Variants in STK39 observed in about 807,000 individuals in gnomAD.
The protein encoded by STK39 is STE20/SPS1-related proline-alanine-rich protein kinase.
Under a neutral mutation model 77.8 loss-of-function variants are expected in STK39, and 20 were observed. That is an observed-to-expected ratio of 0.26 (90% CI 0.18 to 0.37). STK39 has a LOEUF of 0.37. Ranked by LOEUF, STK39 falls within the 10% of genes least tolerant of loss-of-function variation. STK39 has a pLI of 1.00. For missense variants in STK39, 479 were observed against 656.5 expected (o/e 0.73, Z 2.95); for synonymous variants, 246 against 234.1 (o/e 1.05, Z -0.47).
At chr2:168,237,348 A>G (rs1457571960) in intron 1 of STK39, among the ~76,000 whole-genome samples, 1 of 152,186 alleles carries the variant, frequency 6.6e-6, no homozygotes, top group Non-Finnish European at 1.5e-5. Flanking sequence ...TTTTGGGCTG[A>G]GACAATGGGG....
At chr2:168,228,025 G>C (rs1690352708) in intron 1 of STK39, among the ~76,000 whole-genome samples, 1 of 152,114 alleles carries the variant, frequency 6.6e-6, no homozygotes, top group Admixed American at 6.6e-5. Flanking sequence ...GTATCTAGAA[G>C]ACAAAAGGCA....
chr2:168,176,358 C>T (rs1194568778), intron 2 of STK39, among the ~76,000 whole-genome samples: 2 of 152,070 alleles, frequency 1.3e-5, no homozygotes, highest in Non-Finnish European at 2.9e-5. Context: ...GGAGGAACTG[C>T]TCAGAGGTCA....
chr2:167,985,565 T>C (rs1169533566), intron 16 of STK39, among the ~76,000 whole-genome samples: 1 of 152,162 alleles, frequency 6.6e-6, no homozygotes, highest in East Asian at 1.9e-4. Flanking sequence ...TCATTACCTA[T>C]TTCCACAGTA....
intron 1 of STK39, among the ~76,000 whole-genome samples, chr2:168,195,015 C>G (rs576706102): frequency 9.8e-5 from 15 of 152,286 alleles, no homozygotes; most frequent in Admixed American, 4.6e-4. Context: ...CACACATTTA[C>G]ATTTTTTTTA....
At chr2:168,184,101 G>C (rs949666289) in intron 1 of STK39, among the ~76,000 whole-genome samples, 4 of 152,088 alleles carry the variant, frequency 2.6e-5, no homozygotes, top group Non-Finnish European at 5.9e-5. Flanking sequence ...AAATCAAGGA[G>C]TTTCAAAAAC....
chr2:168,217,747 A>G (rs1690061884), intron 1 of STK39, among the ~76,000 whole-genome samples: 1 of 152,234 alleles, frequency 6.6e-6, no homozygotes, highest in Non-Finnish European at 1.5e-5. Context: ...GGCAAGAAAA[A>G]AAGTCTGTAC....
At chr2:168,139,126 A>G (rs3754786) in intron 7 of STK39, among the ~76,000 whole-genome samples, 5,325 of 152,258 alleles carry the variant, frequency 0.035, 275 homozygotes, top group East Asian at 0.23. Context: ...AGAAAGCGGG[A>G]GACTGGGAAC....
chr2:168,235,949 T>C (rs1481315936), intron 1 of STK39, among the ~76,000 whole-genome samples: 1 of 152,122 alleles, frequency 6.6e-6, no homozygotes, highest in African/African-American at 2.4e-5. Flanking sequence ...GAATGATTTA[T>C]AATCCTTTGG....
chr2:168,118,268 A>G (rs190745682), intron 10 of STK39, among the ~76,000 whole-genome samples: 56 of 152,320 alleles, frequency 3.7e-4, no homozygotes, highest in African/African-American at 1.3e-3. Flanking sequence ...TCCCAAAGGC[A>G]AAAAGGAAGC....
intron 13 of STK39, among the ~76,000 whole-genome samples, chr2:168,064,373 G>T (rs1323272990): frequency 6.6e-6 from 1 of 151,954 alleles, no homozygotes; most frequent in Non-Finnish European, 1.5e-5. Context: ...TTATCTCAAG[G>T]TCTCTTACTG....
chr2:168,118,164 G>A lies in STK39; in HGVS notation c.1089+11377C>T, dbSNP rs185885667. 2.3e-3 allele frequency among the ~76,000 whole-genome samples: 354 copies of A among 152,088 alleles called. 2 individuals carry two copies. The Middle Eastern group carries it at 0.024, about 10-fold the overall frequency. ...ATGGACAGATGGAGGAGGAGGAGGA[G>A]GCAGTCGGGAGCTTCTCTCAGCAAG... is the stretch of plus-strand genomic sequence containing the variant. On this transcript the variant is annotated intron_variant, in intron 10 of 17. Coordinates refer to ENST00000355999, the MANE Select transcript of STK39 (RefSeq NM_013233.3).
At chr2:168,234,179 G>GT (rs1363600048) in intron 1 of STK39, among the ~76,000 whole-genome samples, 1 of 152,184 alleles carries the variant, frequency 6.6e-6, no homozygotes, top group African/African-American at 2.4e-5. Context: ...CATCATAACA[G>GT]TATTTAGCCA....
chr2:168,134,089 T>C (rs1277255220), intron 8 of STK39, among the ~76,000 whole-genome samples: 5 of 152,224 alleles, frequency 3.3e-5, no homozygotes, highest in Non-Finnish European at 5.9e-5. Context: ...ACGTCTTACA[T>C]GGCCACTAGC....
chr2:168,076,314 A>G (rs570292045), intron 10 of STK39, among the ~76,000 whole-genome samples: 2 of 152,318 alleles, frequency 1.3e-5, no homozygotes, highest in South Asian at 4.1e-4. Flanking sequence ...GACTCTCCTT[A>G]TGCCACTGAA....
intron 1 of STK39, among the ~76,000 whole-genome samples, chr2:168,233,046 C>T (rs1043309189): frequency 6.6e-6 from 1 of 152,130 alleles, no homozygotes; most frequent in Non-Finnish European, 1.5e-5. Flanking sequence ...GAGATCGTCA[C>T]TTTTTAAACA....
At chr2:168,075,321 C>T in intron 10 of STK39, 90 bp from the exon 11 acceptor site, 1 of 1,546,474 alleles carries the variant, frequency 6.5e-7, no homozygotes, top group Non-Finnish European at 8.8e-7. Flanking sequence ...GCATACACAC[C>T]AACCTGAAAA....
At chr2:168,157,866 C>T (rs1041194379) in intron 5 of STK39, among the ~76,000 whole-genome samples, 11 of 152,142 alleles carry the variant, frequency 7.2e-5, no homozygotes, top group Admixed American at 4.6e-4. Context: ...CTACAAAGTT[C>T]TTTATAAATC....
chr2:168,142,974 T>C (rs912047204), intron 5 of STK39, among the ~76,000 whole-genome samples: 8 of 152,212 alleles, frequency 5.3e-5, no homozygotes, highest in African/African-American at 1.9e-4. Flanking sequence ...ATATGACAGT[T>C]AGAACAAGGT....
intron 5 of STK39, among the ~76,000 whole-genome samples, chr2:168,150,957 C>T (rs1483930917): frequency 1.3e-5 from 2 of 152,012 alleles, no homozygotes; most frequent in African/African-American, 4.8e-5. Flanking sequence ...CCACATCAGG[C>T]TCCTGGTTTT....
Sources: gnomAD v4.1 joint callset for allele counts (sites outside exome capture counted in the v4.1 genomes callset) on GRCh38, gnomAD v4.1.1 for gene constraint, MANE v1.5 for transcripts, NCBI Gene and HGNC (gene_info 2026-07-23, HGNC 2026-07-21) for gene names.